The following PCDHGB4 variants were observed in gnomAD, a reference collection of about 807,000 sequenced individuals.
The protein encoded by PCDHGB4 is protocadherin gamma-B4.
Under a neutral mutation model 60.5 loss-of-function variants are expected in PCDHGB4, and 38 were observed. The ratio of observed to expected loss-of-function variants is 0.63; its 90% CI spans 0.48 to 0.82. PCDHGB4 has a LOEUF of 0.82. PCDHGB4 is among the 40% of genes least tolerant of loss of function. The probability of loss-of-function intolerance (pLI) is 0.00; values close to 1 mark genes in which losing one functional copy is unlikely to be tolerated. For missense variants in PCDHGB4, 1,109 were observed against 1,209.6 expected (o/e 0.92, Z 1.23); for synonymous variants, 456 against 509.7 (o/e 0.89, Z 1.42).
intron 1 of PCDHGB4, chr5:141,418,282 A>G (rs1209026046): frequency 6.2e-7 from 1 of 1,614,030 alleles, no homozygotes; most frequent in Admixed American, 1.7e-5. Flanking sequence ...TAAACTTAGA[A>G]ATCAGTGAAT....
intron 2 of PCDHGB4, among the ~76,000 whole-genome samples, chr5:141,498,191 A>G (rs2099782212): frequency 6.6e-6 from 1 of 152,270 alleles, no homozygotes; most frequent in African/African-American, 2.4e-5. Flanking sequence ...CAAATTAACC[A>G]GCTAAAGAAA....
chr5:141,467,693 G>A lies in PCDHGB4; in HGVS notation c.2398-27114G>A, dbSNP rs543886467. Among the ~76,000 whole-genome samples the A allele has an allele frequency of 2.0e-4, 30 of 152,110 alleles. No individual in the cohort carries two copies. In the South Asian group the frequency reaches 5.6e-3, roughly 28 times the overall value. On this transcript the variant is annotated intron_variant, in intron 1 of 3. Transcript: ENST00000519479. ...TTTTATTTTTTTTAGACAGGGTCTGGCTCTGTTGCCCAGGCTGGAGTGTAG... is the reference window on the plus strand; with the variant it reads ...TTTTATTTTTTTTAGACAGGGTCTGACTCTGTTGCCCAGGCTGGAGTGTAG...
chr5:141,435,542 A>C (rs1402711516), intron 1 of PCDHGB4, among the ~76,000 whole-genome samples: 1 of 152,146 alleles, frequency 6.6e-6, no homozygotes, highest in Non-Finnish European at 1.5e-5. Flanking sequence ...GAATTAACAA[A>C]ATGTGTTTTG....
At position 141,477,529 on chromosome 5, in the gene PCDHGB4, C is replaced by G; in HGVS notation, c.2398-17278C>G. ...ACGTTTACATTGAAGAAAACAACCT[C>G]CCCGGGGCTCCAATACTAAACCTAA... On this transcript the variant is annotated intron_variant, in intron 1 of 3. Transcript: ENST00000519479. The surrounding 1 kb of genome is among the most constrained non-coding windows in gnomAD (Gnocchi z 4.9). 6.2e-7 allele frequency: 1 copy of G among 1,614,172 alleles called. No homozygotes were observed. The highest frequency in any genetic ancestry group is 8.5e-7 in the Non-Finnish European group (1 of 1,180,032).
chr5:141,505,634 A>T, intron 3 of PCDHGB4, 153 bp downstream of exon 3: 6 of 971,426 alleles, frequency 6.2e-6, no homozygotes, highest in Non-Finnish European at 7.3e-6. Context: ...CCAAACATAA[A>T]GCCTGGAATT....
At chr5:141,427,239 G>C (rs1160872088) in intron 1 of PCDHGB4, 1 of 456,746 alleles carries the variant, frequency 2.2e-6, no homozygotes, top group East Asian at 6.9e-5. Flanking sequence ...GAGAGTAGAA[G>C]CTAAGGATGG....
At chr5:141,464,282 A>AG (rs1318553407) in intron 1 of PCDHGB4, among the ~76,000 whole-genome samples, 1 of 151,396 alleles carries the variant, frequency 6.6e-6, no homozygotes, top group Non-Finnish European at 1.5e-5. Flanking sequence ...AAAAAAGCAA[A>AG]AAAAAAAACT....
intron 1 of PCDHGB4, chr5:141,417,066 T>C (rs1373522268): frequency 6.6e-6 from 1 of 152,110 alleles, no homozygotes; most frequent in Non-Finnish European, 1.5e-5. Context: ...ACATTGTAGC[T>C]ATTGTGAGAA....
chr5:141,490,103 C>T lies in PCDHGB4; in HGVS notation c.2398-4704C>T, dbSNP rs1012215533. ...TCTTTTGGAGACCACACATCTGAGG[C>T]AGTGCGGAACCTCTTTGGCCTAGAC... On this transcript the variant is annotated intron_variant, in intron 1 of 3. Coordinates refer to ENST00000519479, the MANE Select transcript of PCDHGB4 (RefSeq NM_003736.4). The surrounding 1 kb of genome is among the most constrained non-coding windows in gnomAD (Gnocchi z 5.4). The T allele has an allele frequency of 6.2e-7, 1 of 1,614,122 alleles. No homozygotes were observed. The highest frequency in any genetic ancestry group is 1.3e-5 in the African/African-American group (1 of 74,954).
At chr5:141,417,555 TAGAGA>T (rs926975589) in intron 1 of PCDHGB4, 38 of 335,630 alleles carry the variant, frequency 1.1e-4, no homozygotes, top group Non-Finnish European at 1.5e-4. Context: ...TTGAAAGAGG[TAGAGA>T]AAAGTCAAGT....
chr5:141,415,423 G>T (rs2154545734), intron 1 of PCDHGB4: 1 of 1,614,204 alleles, frequency 6.2e-7, no homozygotes, highest in Non-Finnish European at 8.5e-7. Context: ...CGTGGACGGG[G>T]TTCGGGCTTT....
intron 1 of PCDHGB4, chr5:141,403,166 A>G (rs907710099): frequency 1.2e-6 from 2 of 1,614,002 alleles, no homozygotes; most frequent in Non-Finnish European, 1.7e-6. Flanking sequence ...TAGAGGTAGG[A>G]CGCAGCTTTT....
At position 141,505,514 on chromosome 5, in the gene PCDHGB4, G is replaced by A. The variant is rs758026551; in HGVS notation, c.2545+33G>A. The A allele has an allele frequency of 1.2e-5, 20 of 1,613,682 alleles. No homozygotes were observed. The South Asian group carries it at 1.8e-4, about 14-fold the overall frequency. ...GTGTCAGTGTGTGTATGGAAGAGTGGGAGACCTGGGGTTCTGGGGTGCATC... is the reference window on the plus strand; with the variant it reads ...GTGTCAGTGTGTGTATGGAAGAGTGAGAGACCTGGGGTTCTGGGGTGCATC... On this transcript the variant is annotated intron_variant, in intron 3 of 3. Transcript: ENST00000519479.
intron 1 of PCDHGB4, chr5:141,419,144 A>G: frequency 6.2e-7 from 1 of 1,613,940 alleles, no homozygotes; most frequent in South Asian, 1.1e-5. Context: ...AGACAGGGGC[A>G]AGCCTCCGTT....
rs748972821 is a variant in PCDHGB4 at position 141,476,094 on chromosome 5, GAGAGGAACT to G, written c.2398-18712_2398-18704del. ...TCTCAGGGACGATCTGGACCCCGCT[GAGAGGAACT>G]GCTTTTGAGTGAGATGGTCCCAGAG... is the stretch of plus-strand genomic sequence containing the variant. On this transcript the variant is annotated intron_variant, in intron 1 of 3. Coordinates refer to ENST00000519479, the MANE Select transcript of PCDHGB4 (RefSeq NM_003736.4). This position sits in a 1 kb window ranked among gnomAD's most constrained non-coding sequence, Gnocchi z 7.6. 6.4e-7 allele frequency: 1 copy of G among 1,568,172 alleles called. No individual in the cohort carries two copies. The highest frequency in any genetic ancestry group is 1.2e-5 in the South Asian group (1 of 85,292).
intron 1 of PCDHGB4, chr5:141,478,239 C>T: frequency 1.2e-6 from 2 of 1,614,132 alleles, no homozygotes; most frequent in Non-Finnish European, 1.7e-6. Context: ...TTTGTGGTCA[C>T]AGTGTTCGGA....
intron 1 of PCDHGB4, among the ~76,000 whole-genome samples, chr5:141,482,274 G>A (rs1219523359): frequency 6.6e-6 from 1 of 152,094 alleles, no homozygotes; most frequent in Non-Finnish European, 1.5e-5. Flanking sequence ...TTTAGCTTAG[G>A]TAAGTCTTTT....
intron 1 of PCDHGB4, among the ~76,000 whole-genome samples, chr5:141,435,017 C>T (rs1477938779): frequency 1.3e-5 from 2 of 151,994 alleles, no homozygotes; most frequent in Middle Eastern, 3.2e-3. Flanking sequence ...AATGATAATG[C>T]TCTTTTCCCA....
chr5:141,418,938 C>G, intron 1 of PCDHGB4: 1 of 1,613,738 alleles, frequency 6.2e-7, no homozygotes, highest in Non-Finnish European at 8.5e-7. Flanking sequence ...ATGGAGGATT[C>G]CCCTCCAGGA....
Sources: gnomAD v4.1 joint callset for allele counts (sites outside exome capture counted in the v4.1 genomes callset) on GRCh38, gnomAD v4.1.1 for gene constraint, Gnocchi (gnomAD v3.1) non-coding constraint, MANE v1.5 for transcripts, NCBI Gene and HGNC (gene_info 2026-07-23, HGNC 2026-07-21) for gene names.